KLRG1: variants seen among roughly 807,000 people sequenced by gnomAD.
KLRG1 encodes the protein killer cell lectin like receptor G1, also known as killer cell lectin-like receptor subfamily G member 1.
In KLRG1, 16 loss-of-function variants were observed where a neutral mutation model predicts 21.8. That is an observed-to-expected ratio of 0.73 (90% CI 0.50 to 1.11). KLRG1 has a LOEUF of 1.11. Among genes scored for constraint, KLRG1 ranks in the 50% most tolerant of loss-of-function variants. The pLI is 0.00. For synonymous variants in KLRG1, 69 were observed against 75.9 expected (o/e 0.91, Z 0.47); for missense variants, 173 against 218.3 (o/e 0.79, Z 1.31).
At chr12:9,083,528 G>C in the KLRG1 span, among the ~76,000 whole-genome samples, 144 of 151,952 alleles carry the variant, frequency 9.5e-4, no homozygotes, top group African/African-American at 2.8e-3. Flanking sequence ...TTCAAAGTAA[G>C]CTCAACAGCA....
At chr12:9,146,236 C>A in the KLRG1 span, among the ~76,000 whole-genome samples, 8 of 151,604 alleles carry the variant, frequency 5.3e-5, no homozygotes, top group East Asian at 1.4e-3. Flanking sequence ...TTTTTCTCTT[C>A]TGACTGAACT....
intron 1 of KLRG1, among the ~76,000 whole-genome samples, chr12:8,950,727 C>T (rs1946184856): frequency 6.6e-6 from 1 of 152,068 alleles, no homozygotes; most frequent in South Asian, 2.1e-4. Context: ...ATGCATATCT[C>T]GGTGGTGCCC....
the KLRG1 span, among the ~76,000 whole-genome samples, chr12:9,123,975 TA>T: frequency 6.8e-6 from 1 of 146,430 alleles, no homozygotes; most frequent in Non-Finnish European, 1.5e-5. Context: ...ATTTCCTATT[TA>T]GAAAAAAAAA....
chr12:9,074,944 G>C, the KLRG1 span, among the ~76,000 whole-genome samples: 1 of 152,212 alleles, frequency 6.6e-6, no homozygotes, highest in Non-Finnish European at 1.5e-5. Context: ...AATTTGGTGT[G>C]TTTTAGCCCA....
chr12:9,122,784 T>A, the KLRG1 span, among the ~76,000 whole-genome samples: 1 of 152,154 alleles, frequency 6.6e-6, no homozygotes, highest in African/African-American at 2.4e-5. Flanking sequence ...CATAATTCAT[T>A]TATTTTCAAA....
chr12:9,168,065 C>T, the KLRG1 span, among the ~76,000 whole-genome samples: 74 of 152,178 alleles, frequency 4.9e-4, no homozygotes, highest in African/African-American at 1.8e-3. Context: ...TCTTAAATGC[C>T]AAGGAACATA....
rs752165725 is a variant in KLRG1 at position 8,964,858 on chromosome 12, C to T, written c.-156+14622C>T. 2.9e-3 allele frequency among the ~76,000 whole-genome samples: 440 copies of T among 151,416 alleles called. 2 individuals carry two copies. The highest frequency in any genetic ancestry group is 1.0e-2 in the African/African-American group (412 of 41,202). On this transcript the variant is annotated intron_variant, in intron 1 of 4. Coordinates refer to the KLRG1 transcript ENST00000539240. ...GTTTTATCAGAGACTAGGATTGCAA[C>T]CCCTGCCTTTTTTTGTTTTCCATTT...
downstream of KLRG1, among the ~76,000 whole-genome samples, chr12:9,013,663 C>G (rs1161940321): frequency 6.6e-6 from 1 of 152,230 alleles, no homozygotes; most frequent in East Asian, 1.9e-4. Flanking sequence ...GGGAAACTCC[C>G]CTTCATAAGA....
upstream of KLRG1, among the ~76,000 whole-genome samples, chr12:8,986,641 G>A (rs76434793): frequency 0.056 from 8,444 of 150,930 alleles, 339 homozygotes; most frequent in African/African-American, 0.11. Flanking sequence ...AGCTTATTTT[G>A]TACTTTCCCT....
the KLRG1 span, among the ~76,000 whole-genome samples, chr12:9,114,358 T>A: frequency 6.6e-6 from 1 of 152,186 alleles, no homozygotes; most frequent in Non-Finnish European, 1.5e-5. Flanking sequence ...CCTTACATAT[T>A]TTCAAGTAAA....
At chr12:9,076,808 C>G in the KLRG1 span, 24 of 1,613,960 alleles carry the variant, frequency 1.5e-5, no homozygotes, top group Non-Finnish European at 2.0e-5. Context: ...TCCTCTTGTC[C>G]TGGTTACCTG....
chr12:9,008,987 G>A lies in KLRG1; in HGVS notation c.370G>A (p.Val124Ile). 2 of 1,613,578 alleles carry A rather than the reference G, an allele frequency of 1.2e-6. No homozygotes were observed. The highest frequency in any genetic ancestry group is 1.7e-6 in the Non-Finnish European group (2 of 1,179,746). The change falls in exon 4 of 5, where the codon GTT becomes ATT. Residue 124 changes from valine to isoleucine, a missense_variant. Val to Ile is a conservative substitution (Grantham distance 29, BLOSUM62 3). Coordinates refer to ENST00000356986, the MANE Select transcript of KLRG1 (RefSeq NM_005810.4). ...ACCTCTCCCTTAGAGCCTGCTCCAA[G>A]TTTTCCTCAGTGAGGCCTTTTGCTG... ...TDNQEMSLLQ[V>I]FLSEAFCWIG...
At chr12:9,031,634 G>T in the KLRG1 span, among the ~76,000 whole-genome samples, 3 of 152,184 alleles carry the variant, frequency 2.0e-5, no homozygotes, top group Non-Finnish European at 4.4e-5. Flanking sequence ...CATGGCCCAC[G>T]ACGCAGCCCT....
the KLRG1 span, among the ~76,000 whole-genome samples, chr12:9,116,510 G>A: frequency 7.9e-5 from 12 of 152,128 alleles, no homozygotes; most frequent in South Asian, 2.1e-4. Flanking sequence ...ACAAAGAAAC[G>A]TGAAGTAACA....
At chr12:9,060,731 G>A in the KLRG1 span, among the ~76,000 whole-genome samples, 1 of 152,152 alleles carries the variant, frequency 6.6e-6, no homozygotes, top group Non-Finnish European at 1.5e-5. Context: ...CTGGATATCT[G>A]CATTTTAAAA....
At chr12:8,962,222 A>G (rs543622179) in intron 1 of KLRG1, among the ~76,000 whole-genome samples, 3 of 152,220 alleles carry the variant, frequency 2.0e-5, no homozygotes, top group Non-Finnish European at 2.9e-5. Flanking sequence ...AATACACTCC[A>G]TATGTTCAGA....
At chr12:9,215,290 T>C in the KLRG1 span, among the ~76,000 whole-genome samples, 2 of 151,990 alleles carry the variant, frequency 1.3e-5, no homozygotes, top group Non-Finnish European at 2.9e-5. Context: ...TACCAGTGGC[T>C]TGAGGCAGGA....
At chr12:8,967,190 TG>T (rs1479518374) in intron 1 of KLRG1, among the ~76,000 whole-genome samples, 1 of 40,234 alleles carries the variant, frequency 2.5e-5, no homozygotes, top group African/African-American at 1.1e-4. Context: ...TGTTGTGGGG[TG>T]GGGGGAGGGG....
the KLRG1 span, chr12:9,079,425 T>C: frequency 3.0e-6 from 4 of 1,315,912 alleles, no homozygotes; most frequent in East Asian, 9.4e-5. Context: ...TCTTGTGACA[T>C]TTCTTAAATT....
Sources: gnomAD v4.1 joint callset for allele counts (sites outside exome capture counted in the v4.1 genomes callset) on GRCh38, gnomAD v4.1.1 for gene constraint, MANE v1.5 for transcripts, NCBI Gene and HGNC (gene_info 2026-07-23, HGNC 2026-07-21) for gene names.